The following ADAMTS3 variants were observed in gnomAD, a reference collection of about 807,000 sequenced individuals.
The protein encoded by ADAMTS3 is ADAM metallopeptidase with thrombospondin type 1 motif 3.
ADAMTS3 carries 73 observed loss-of-function variants against 129.0 expected under a neutral mutation model. The observed-to-expected ratio is 0.57, with a 90% CI of 0.47 to 0.69. The LOEUF is 0.69. Ranked by LOEUF, ADAMTS3 falls within the 30% of genes least tolerant of loss-of-function variation. ADAMTS3 has a pLI of 0.00. For missense variants in ADAMTS3, 1,457 were observed against 1,514.5 expected (o/e 0.96, Z 0.63); for synonymous variants, 477 against 510.8 (o/e 0.93, Z 0.89).
chr4:72,508,753 G>C lies in ADAMTS3; in HGVS notation c.504+39725C>G, dbSNP rs372229013. On this transcript the variant is annotated intron_variant, in intron 3 of 21. Coordinates refer to ENST00000286657, the MANE Select transcript of ADAMTS3 (RefSeq NM_014243.3). ...ATAATTTTTTTACCAAGTTAAATAT[G>C]AGCCAAGACTTGATCTACACTATAG... 2.3e-4 allele frequency among the ~76,000 whole-genome samples: 35 copies of C among 151,162 alleles called. 1 individual carries two copies. In the East Asian group the frequency reaches 3.3e-3, roughly 14 times the overall value.
At chr4:72,325,418 A>G (rs1171231754) in intron 5 of ADAMTS3, among the ~76,000 whole-genome samples, 1 of 152,142 alleles carries the variant, frequency 6.6e-6, no homozygotes, top group Admixed American at 6.6e-5. Flanking sequence ...AGTTGCAATA[A>G]AAGTTAAAAG....
At position 72,400,717 on chromosome 4, in the gene ADAMTS3, G is replaced by A. The variant is rs34960617; in HGVS notation, c.661+14098C>T. On this transcript the variant is annotated intron_variant, in intron 4 of 21. Transcript: ENST00000286657. ...TGTATATATACGTGTGCATAGATAT[G>A]CACACGGTGTGTATATATACGTGTG... Among the ~76,000 whole-genome samples, 7 of 304 alleles carry A rather than the reference G, an allele frequency of 0.023. 3 individuals are homozygous for A. In the Non-Finnish European group the frequency reaches 1, roughly 43 times the overall value. The allele number at this position is 304 out of a possible 152,430, so 0.2% of individuals were successfully genotyped here. A position where few individuals can be genotyped will look rare whatever the true frequency, so the allele number is the denominator to read the frequency against.
At chr4:72,549,061 T>C (rs1721544839) in intron 2 of ADAMTS3, among the ~76,000 whole-genome samples, 177 bp from the exon 3 acceptor site, 1 of 152,186 alleles carries the variant, frequency 6.6e-6, no homozygotes, top group South Asian at 2.1e-4. Flanking sequence ...CTCAAATGCA[T>C]TTAAGTAACC....
intron 19 of ADAMTS3, among the ~76,000 whole-genome samples, chr4:72,291,756 G>A (rs1718676505): frequency 6.6e-6 from 1 of 152,014 alleles, no homozygotes; most frequent in Admixed American, 6.6e-5. Flanking sequence ...AGTCCTTTGG[G>A]TATATACCCA....
rs368468838 is a variant in ADAMTS3, at chr4:72,339,527, G to A, written c.828C>T (p.His276=). The change falls in exon 5 of 22, where the codon CAC becomes CAT. Residue 276 remains histidine, a synonymous_variant. Coordinates refer to ENST00000286657, the MANE Select transcript of ADAMTS3 (RefSeq NM_014243.3). ...DSVVRFHGKE[H]VQNYLLTLMN... The stretch of plus-strand genomic sequence containing the variant: ...TTAGGGTCAGGAGGTAGTTTTGGAC[G>A]TGCTCTTTGCCATGGAAACGGACCA... The A allele has an allele frequency of 1.6e-5, 26 of 1,613,718 alleles. No homozygotes were observed. The highest frequency in any genetic ancestry group is 2.2e-5 in the East Asian group (1 of 44,876).
chr4:72,531,875 T>C (rs957806854), intron 3 of ADAMTS3, among the ~76,000 whole-genome samples: 6 of 152,054 alleles, frequency 3.9e-5, no homozygotes, highest in African/African-American at 1.4e-4. Flanking sequence ...TGCCAGAACA[T>C]AGCCTGGGGA....
At chr4:72,532,306 GC>G (rs1721064792) in intron 3 of ADAMTS3, among the ~76,000 whole-genome samples, 1 of 152,060 alleles carries the variant, frequency 6.6e-6, no homozygotes, top group Admixed American at 6.6e-5. Context: ...AAGGTCAGAA[GC>G]CCCTTAGGGA....
intron 3 of ADAMTS3, among the ~76,000 whole-genome samples, chr4:72,505,387 T>C (rs760552804): frequency 7.9e-5 from 12 of 152,148 alleles, no homozygotes; most frequent in African/African-American, 2.7e-4. Flanking sequence ...TACTGGGGTA[T>C]GCAATTTGAC....
chr4:72,522,908 G>A (rs926212187), intron 3 of ADAMTS3, among the ~76,000 whole-genome samples: 12 of 151,986 alleles, frequency 7.9e-5, no homozygotes, highest in African/African-American at 2.7e-4. Flanking sequence ...TTCTTAACAC[G>A]AGCAAGTGTT....
chr4:72,474,899 T>C (rs62320588), intron 3 of ADAMTS3, among the ~76,000 whole-genome samples: 1 of 149,504 alleles, frequency 6.7e-6, no homozygotes, highest in African/African-American at 2.5e-5. Flanking sequence ...TAGTGGCGGG[T>C]GCCTGTAGTC....
At chr4:72,568,578 G>A in intron 1 of ADAMTS3, 116 bp downstream of exon 1, 1 of 823,230 alleles carries the variant, frequency 1.2e-6, no homozygotes, top group Non-Finnish European at 2.0e-6. Context: ...GAACGCAAAA[G>A]ATAACAGGGA....
rs970773202 is a variant in ADAMTS3, at chr4:72,461,474, T to C, written c.505-46503A>G. Among the ~76,000 whole-genome samples, 4 of 151,786 alleles carry C rather than the reference T, an allele frequency of 2.6e-5. No homozygotes were observed. In the East Asian group the frequency reaches 7.8e-4, roughly 29 times the overall value. ...CTCTTTAGTCAATTCCATCTGTTAG[T>C]GGCAGCATATGCTATATAGCTCCAG... is the stretch of plus-strand genomic sequence containing the variant. On this transcript the variant is annotated intron_variant, in intron 3 of 21. Coordinates refer to ENST00000286657, the MANE Select transcript of ADAMTS3 (RefSeq NM_014243.3).
At chr4:72,559,502 T>C (rs1368329502) in intron 2 of ADAMTS3, among the ~76,000 whole-genome samples, 1 of 151,770 alleles carries the variant, frequency 6.6e-6, no homozygotes, top group African/African-American at 2.4e-5. Context: ...TGTCACATGG[T>C]GAGCTGACTG....
intron 2 of ADAMTS3, among the ~76,000 whole-genome samples, chr4:72,555,013 A>C (rs1249718943): frequency 6.6e-6 from 1 of 151,804 alleles, no homozygotes; most frequent in African/African-American, 2.4e-5. Context: ...GTAAATATTC[A>C]ATAAATGCTG....
chr4:72,420,122 G>A lies in ADAMTS3; in HGVS notation c.505-5151C>T, dbSNP rs76401314. Among the ~76,000 whole-genome samples, 783 of 152,086 alleles carry A rather than the reference G, an allele frequency of 5.1e-3. 8 individuals carry two copies. Among genetic ancestry groups the A allele is most frequent in the African/African-American group, 0.018 (735 of 41,470 alleles). On this transcript the variant is annotated intron_variant, in intron 3 of 21. Coordinates refer to ENST00000286657, the MANE Select transcript of ADAMTS3 (RefSeq NM_014243.3). ...GTAAGCTCCTCTATTCAAAACTTTC[G>A]AAGGTCTCCCCTTCTCACCTAGATT...
intron 17 of ADAMTS3, among the ~76,000 whole-genome samples, chr4:72,299,049 C>T (rs1186049818): frequency 7.9e-6 from 1 of 127,360 alleles, no homozygotes; most frequent in African/African-American, 3.1e-5. Context: ...AAGATATTTG[C>T]ATTCTGTGTG....
At chr4:72,518,781 C>T (rs1158823134) in intron 3 of ADAMTS3, among the ~76,000 whole-genome samples, 2 of 149,974 alleles carry the variant, frequency 1.3e-5, no homozygotes, top group African/African-American at 4.9e-5. Context: ...TGGGTCTTGA[C>T]TCTTTATCCA....
At chr4:72,334,010 C>T (rs554370849) in intron 5 of ADAMTS3, among the ~76,000 whole-genome samples, 2 of 151,818 alleles carry the variant, frequency 1.3e-5, no homozygotes, top group South Asian at 2.1e-4. Flanking sequence ...CCTGCCACCA[C>T]GCCTGGCTAA....
intron 4 of ADAMTS3, among the ~76,000 whole-genome samples, chr4:72,374,396 C>G (rs1721087977): frequency 6.6e-6 from 1 of 151,698 alleles, no homozygotes; most frequent in Non-Finnish European, 1.5e-5. Flanking sequence ...AACCCAGAAG[C>G]AAAGAAAACC....
Sources: allele counts gnomAD v4.1 joint callset (sites outside exome capture counted in the v4.1 genomes callset), GRCh38; gene constraint gnomAD v4.1.1; transcripts MANE v1.5; gene names NCBI Gene and HGNC (gene_info 2026-07-23, HGNC 2026-07-21).